SLCO1B1: variants seen among roughly 807,000 people sequenced by gnomAD.
SLCO1B1 encodes the protein solute carrier organic anion transporter family member 1B1.
Under a neutral mutation model 70.1 loss-of-function variants are expected in SLCO1B1, and 81 were observed. The ratio of observed to expected loss-of-function variants is 1.16; its 90% CI spans 0.97 to 1.39. The LOEUF (loss-of-function observed/expected upper bound fraction) is 1.39, where lower values mean the gene tolerates loss of function less well. Ranked by LOEUF, SLCO1B1 falls within the 40% of genes most tolerant of loss-of-function variation. SLCO1B1 has a pLI of 0.00. For synonymous variants in SLCO1B1, 283 were observed against 271.5 expected, an observed-to-expected ratio of 1.04 and a Z score of -0.42; for missense variants, 895 against 799.6, an observed-to-expected ratio of 1.12 and a Z score of -1.44.
chr12:21,181,049 A>C (rs1280840378), intron 7 of SLCO1B1, among the ~76,000 whole-genome samples: 2 of 152,210 alleles, frequency 1.3e-5, no homozygotes, highest in East Asian at 3.8e-4. Flanking sequence ...ACAGGAATTT[A>C]GGGTGTGATG....
intron 11 of SLCO1B1, among the ~76,000 whole-genome samples, chr12:21,209,932 G>A (rs1189077950): frequency 6.6e-6 from 1 of 151,920 alleles, no homozygotes; most frequent in African/African-American, 2.4e-5. Flanking sequence ...TAAATCTGTT[G>A]GAGTTAATTG....
At chr12:21,141,328 T>G (rs184247667) in intron 1 of SLCO1B1, among the ~76,000 whole-genome samples, 186 bp from the exon 2 acceptor site, 7 of 152,096 alleles carry the variant, frequency 4.6e-5, no homozygotes, top group African/African-American at 1.7e-4. Context: ...CTCCTTAGGC[T>G]AGAATTTGTG....
At chr12:21,152,533 C>CTTGTTTTTTTTTTTTTTT (rs1940485091) in intron 2 of SLCO1B1, among the ~76,000 whole-genome samples, 2 of 34,354 alleles carry the variant, frequency 5.8e-5, no homozygotes, top group South Asian at 1.9e-3. Flanking sequence ...AGAGGAGAGG[C>CTTGTTTTTTTTTTTTTTT]TTTTTTTTTT....
intron 1 of SLCO1B1, among the ~76,000 whole-genome samples, chr12:21,134,901 T>C (rs1203193359): frequency 1.3e-5 from 2 of 152,094 alleles, no homozygotes; most frequent in Non-Finnish European, 2.9e-5. Context: ...GCTCTTGCTT[T>C]TCTAGTTCTT....
chr12:21,139,609 C>T (rs1294413062), intron 1 of SLCO1B1, among the ~76,000 whole-genome samples: 8 of 152,078 alleles, frequency 5.3e-5, no homozygotes, highest in Non-Finnish European at 8.8e-5. Context: ...AGTCGAGTCT[C>T]ATTATTCACA....
At chr12:21,203,771 T>G (rs1230288820) in intron 10 of SLCO1B1, among the ~76,000 whole-genome samples, 2 of 151,962 alleles carry the variant, frequency 1.3e-5, no homozygotes, top group African/African-American at 4.8e-5. Context: ...GATGATGCAA[T>G]CCAACCCTTG....
chr12:21,191,103 C>CT (rs1941024593), intron 7 of SLCO1B1, among the ~76,000 whole-genome samples: 1 of 151,692 alleles, frequency 6.6e-6, no homozygotes, highest in South Asian at 2.1e-4. Flanking sequence ...TTTCTCAATG[C>CT]TTTTTTGGCT....
intron 1 of SLCO1B1, among the ~76,000 whole-genome samples, chr12:21,135,953 G>T (rs1385209003): frequency 6.6e-6 from 1 of 152,186 alleles, no homozygotes; most frequent in Middle Eastern, 3.2e-3. Context: ...AATTTGGCAT[G>T]TTTTTGCAGT....
chr12:21,178,778 A>AAT (rs1382819329), intron 6 of SLCO1B1, 56 bp downstream of exon 6: 2 of 1,497,686 alleles, frequency 1.3e-6, no homozygotes, highest in Admixed American at 3.4e-5. Flanking sequence ...CTACTTTTGA[A>AAT]ATAGTAGAGT....
At chr12:21,199,785 GTTTT>G (rs1013111374) in intron 8 of SLCO1B1, among the ~76,000 whole-genome samples, 5 of 151,040 alleles carry the variant, frequency 3.3e-5, no homozygotes, top group South Asian at 2.1e-4. Flanking sequence ...TTGTTTTTGG[GTTTT>G]TTTGTTTGTT....
At chr12:21,173,304 G>A (rs1940777452) in intron 3 of SLCO1B1, among the ~76,000 whole-genome samples, 1 of 152,094 alleles carries the variant, frequency 6.6e-6, no homozygotes, top group Admixed American at 6.6e-5. Flanking sequence ...ACAGCTCAGG[G>A]AAAACATTTT....
intron 7 of SLCO1B1, among the ~76,000 whole-genome samples, chr12:21,186,648 A>G (rs1940965193): frequency 6.6e-6 from 1 of 152,030 alleles, no homozygotes; most frequent in South Asian, 2.1e-4. Flanking sequence ...TGAATCCAGC[A>G]TAAAGATCAT....
chr12:21,233,873 G>T (rs1455905480), intron 14 of SLCO1B1, among the ~76,000 whole-genome samples: 1 of 152,166 alleles, frequency 6.6e-6, no homozygotes, highest in Admixed American at 6.5e-5. Context: ...ACCAGAGCAG[G>T]GCTACTGAAC....
chr12:21,144,651 A>T (rs1239811287), intron 2 of SLCO1B1, among the ~76,000 whole-genome samples: 1 of 152,254 alleles, frequency 6.6e-6, no homozygotes, highest in South Asian at 2.1e-4. Flanking sequence ...AAAAACCTTA[A>T]AGGCAGCTAG....
intron 1 of SLCO1B1, among the ~76,000 whole-genome samples, chr12:21,134,487 AT>A (rs1297934949): frequency 1.3e-5 from 2 of 152,096 alleles, no homozygotes; most frequent in Admixed American, 6.5e-5. Context: ...TTGGTAAGCT[AT>A]TGAGTATTGC....
intron 2 of SLCO1B1, among the ~76,000 whole-genome samples, chr12:21,148,787 G>A (rs1323342263): frequency 6.7e-6 from 1 of 148,836 alleles, no homozygotes; most frequent in Non-Finnish European, 1.5e-5. Flanking sequence ...GATGGGGATA[G>A]CATTGAATCT....
rs750794870 is a variant in SLCO1B1, at chr12:21,239,032, A to G, written c.1919A>G (p.Tyr640Cys). The change falls in exon 15 of 15, where the codon TAT (tyrosine) becomes TGT (cysteine). Residue 640 changes from tyrosine to cysteine, a missense_variant. By Grantham distance (194) the Tyr-to-Cys change is radical. Transcript: ENST00000256958. Reference protein sequence around the residue: ...SMLRVSSLVLYIILIYAMKKK... With the variant: ...SMLRVSSLVLCIILIYAMKKK... Reference sequence around the variant, plus strand: ...TTAAGAGTCTCATCACTTGTTTTATATATTATATTAATTTATGCCATGAAG... The same window carrying G: ...TTAAGAGTCTCATCACTTGTTTTATGTATTATATTAATTTATGCCATGAAG... 2.5e-6 allele frequency: 4 copies of G among 1,589,560 alleles called. No homozygotes were observed. Among genetic ancestry groups the G allele is most frequent in the Middle Eastern group, 1.7e-4 (1 of 5,840 alleles).
chr12:21,136,326 G>A (rs932884849), intron 1 of SLCO1B1, among the ~76,000 whole-genome samples: 55 of 151,962 alleles, frequency 3.6e-4, no homozygotes, highest in African/African-American at 1.2e-3. Flanking sequence ...TGCTCTTCTC[G>A]AGGAGTATCT....
chr12:21,231,320 T>C (rs545617389), intron 14 of SLCO1B1, among the ~76,000 whole-genome samples: 37 of 152,290 alleles, frequency 2.4e-4, no homozygotes, highest in Non-Finnish European at 3.5e-4. Context: ...ATAGTATCTG[T>C]TCTTTTCAGT....
Sources: allele counts gnomAD v4.1 joint callset (sites outside exome capture counted in the v4.1 genomes callset), GRCh38; gene constraint gnomAD v4.1.1; transcripts MANE v1.5; gene names NCBI Gene and HGNC (gene_info 2026-07-23, HGNC 2026-07-21).